DLGAP2: variants seen among roughly 807,000 people sequenced by gnomAD.
DLGAP2 encodes the protein disks large-associated protein 2.
A neutral mutation model predicts 100.3 loss-of-function variants in DLGAP2; 26 were observed. That is an observed-to-expected ratio of 0.26 (90% CI 0.19 to 0.36). The LOEUF (loss-of-function observed/expected upper bound fraction) is 0.36. Among genes scored for constraint, DLGAP2 ranks in the 10% least tolerant of loss-of-function variants. The pLI is 1.00. For synonymous variants in DLGAP2, 886 were observed against 630.1 expected (o/e 1.41, Z -6.08); for missense variants, 1,858 against 1,453.2 (o/e 1.28, Z -4.53).
chr8:1,267,558 C>CATAATAAAATAATAAT (rs1799481904), intron 3 of DLGAP2, among the ~76,000 whole-genome samples: 1 of 63,110 alleles, frequency 1.6e-5, no homozygotes, highest in African/African-American at 9.5e-5. Flanking sequence ...AATTCCCGCT[C>CATAATAAAATAATAAT]AAAATAAAAT....
chr8:1,411,951 A>G (rs1212602832), intron 3 of DLGAP2, among the ~76,000 whole-genome samples: 1 of 152,188 alleles, frequency 6.6e-6, no homozygotes, highest in Non-Finnish European at 1.5e-5. Context: ...CTCCACGTTC[A>G]GACACATGCT....
chr8:1,434,875 A>G (rs919428450), intron 3 of DLGAP2, among the ~76,000 whole-genome samples: 8 of 151,874 alleles, frequency 5.3e-5, no homozygotes, highest in Non-Finnish European at 8.8e-5. Context: ...TCCCTCCTCC[A>G]TGGTATCATC....
intron 3 of DLGAP2, among the ~76,000 whole-genome samples, chr8:1,363,789 G>A (rs184291608): frequency 1.1e-3 from 162 of 152,328 alleles, no homozygotes; most frequent in African/African-American, 3.5e-3. Flanking sequence ...GGGCGACTGA[G>A]CCAGGCCTCA....
At chr8:1,297,238 G>T (rs1386372488) in intron 3 of DLGAP2, 1 of 152,188 alleles carries the variant, frequency 6.6e-6, no homozygotes, top group African/African-American at 2.4e-5. Flanking sequence ...CCTGTGAAAG[G>T]CATGCATTTG....
chr8:1,705,883 C>T lies in DLGAP2; in HGVS notation c.*4477C>T, dbSNP rs938766196. 7.2e-5 allele frequency: 11 copies of T among 152,112 alleles called. No individual in the cohort carries two copies. Among genetic ancestry groups the T allele is most frequent in the African/African-American group, 2.7e-4 (11 of 41,422 alleles). The allele number at this position is 152,112 out of a possible 1,614,324, so 9.4% of individuals were successfully genotyped here. On this transcript the variant is annotated 3_prime_UTR_variant, in exon 15 of 15. Coordinates refer to ENST00000637795, the MANE Select transcript of DLGAP2 (RefSeq NM_001346810.2). The stretch of plus-strand genomic sequence containing the variant: ...GTTTCCAAAACTTTAAAATAGAAAA[C>T]CACGAGCTTAAGAGGTGAAAAAGAT...
At chr8:1,058,615 G>A (rs1422650627) in intron 2 of DLGAP2, among the ~76,000 whole-genome samples, 2 of 152,174 alleles carry the variant, frequency 1.3e-5, no homozygotes, top group Non-Finnish European at 2.9e-5. Context: ...GGCTCATCAC[G>A]GCTGGTTAAA....
At chr8:1,631,035 C>T (rs946136852) in intron 7 of DLGAP2, among the ~76,000 whole-genome samples, 3 of 150,618 alleles carry the variant, frequency 2.0e-5, no homozygotes, top group African/African-American at 7.3e-5. Context: ...AGGGTCTGGG[C>T]GGGAGGTCCG....
intron 1 of DLGAP2, among the ~76,000 whole-genome samples, chr8:762,094 C>G (rs940307130): frequency 2.0e-5 from 3 of 152,172 alleles, no homozygotes; most frequent in African/African-American, 7.2e-5. Flanking sequence ...GTAACTGTCA[C>G]AGAACTCCTG....
intron 2 of DLGAP2, among the ~76,000 whole-genome samples, chr8:1,237,189 G>C (rs79435501): frequency 0.97 from 118,305 of 122,240 alleles, 57,354 homozygotes; most frequent in Middle Eastern, 0.98. Flanking sequence ...GGCGCCGTGT[G>C]TAGTTCTCTC....
At chr8:1,083,975 A>T (rs956000699) in intron 2 of DLGAP2, among the ~76,000 whole-genome samples, 2 of 152,246 alleles carry the variant, frequency 1.3e-5, no homozygotes, top group Admixed American at 1.3e-4. Context: ...ATTGTGCCTC[A>T]AAATAAGATA....
intron 3 of DLGAP2, among the ~76,000 whole-genome samples, chr8:1,282,261 G>A (rs13272166): frequency 1.1e-3 from 126 of 111,286 alleles, no homozygotes; most frequent in African/African-American, 4.1e-3. Flanking sequence ...TGAACCCAGC[G>A]CCCTGAACCA....
At chr8:848,899 TGCCTGTTCCAGCATAGGAACGCGC>T (rs1563061884) in intron 1 of DLGAP2, among the ~76,000 whole-genome samples, 2 of 136,258 alleles carry the variant, frequency 1.5e-5, no homozygotes, top group African/African-American at 2.6e-5. Context: ...GAACGCGCGG[TGCCTGTTCCAGCATAGGAACGCGC>T]GGTGCCTGTT....
intron 3 of DLGAP2, among the ~76,000 whole-genome samples, chr8:1,436,850 C>T (rs1184235296): frequency 2.0e-5 from 3 of 152,156 alleles, no homozygotes; most frequent in Non-Finnish European, 4.4e-5. Context: ...ACCTTTTGTA[C>T]CATATTTTTA....
chr8:1,515,584 A>G (rs4876082), intron 4 of DLGAP2, among the ~76,000 whole-genome samples: 66,311 of 152,086 alleles, frequency 0.44, 15,126 homozygotes, highest in South Asian at 0.68. Flanking sequence ...AATTGCAGAC[A>G]TGCAAAAATA....
intron 2 of DLGAP2, among the ~76,000 whole-genome samples, chr8:1,028,712 G>C (rs1252620111): frequency 6.6e-6 from 1 of 152,216 alleles, no homozygotes. Flanking sequence ...GAGTTAAGAT[G>C]GGTCACTGCT....
chr8:1,322,911 T>C lies in DLGAP2; in HGVS notation c.106+64028T>C, dbSNP rs187634233. On this transcript the variant is annotated intron_variant, in intron 3 of 14. Transcript: ENST00000637795. ...ATCATTGTGTACTATTATCGGAGTG[T>C]CTGCCTCACTTTGTAGATTATTAAC... Among the ~76,000 whole-genome samples, 199 of 152,332 alleles carry C rather than the reference T, an allele frequency of 1.3e-3. 2 individuals are homozygous for C. The Middle Eastern group carries it at 0.024, about 18-fold the overall frequency.
intron 3 of DLGAP2, among the ~76,000 whole-genome samples, chr8:1,463,904 C>T (rs1798531997): frequency 6.6e-6 from 1 of 152,214 alleles, no homozygotes; most frequent in Admixed American, 6.5e-5. Flanking sequence ...CAGGGAGCTG[C>T]ACGCGCTCCT....
chr8:1,237,428 A>T (rs1301660459), intron 2 of DLGAP2, among the ~76,000 whole-genome samples: 1 of 131,526 alleles, frequency 7.6e-6, no homozygotes, highest in African/African-American at 3.0e-5. Context: ...TGCCGTGTCT[A>T]GTTCTCTCAC....
At chr8:947,913 G>T (rs1427813079) in intron 2 of DLGAP2, among the ~76,000 whole-genome samples, 1 of 142,188 alleles carries the variant, frequency 7.0e-6, no homozygotes, top group Non-Finnish European at 1.5e-5. Context: ...CACCGAACCC[G>T]TGCCAACCCG....
Sources: gnomAD v4.1 joint callset for allele counts (sites outside exome capture counted in the v4.1 genomes callset) on GRCh38, gnomAD v4.1.1 for gene constraint, MANE v1.5 for transcripts, NCBI Gene and HGNC (gene_info 2026-07-23, HGNC 2026-07-21) for gene names.